The following CLVS1 variants were observed in gnomAD, a reference collection of about 807,000 sequenced individuals.
The protein encoded by CLVS1 is clavesin-1.
CLVS1 carries 10 observed loss-of-function variants against 33.1 expected under a neutral mutation model. The observed-to-expected ratio is 0.30, with a 90% confidence interval of 0.19 to 0.51. The LOEUF is 0.51. CLVS1 is among the 20% of genes least tolerant of loss of function. CLVS1 has a pLI of 0.97. For synonymous variants in CLVS1, 163 were observed against 166.1 expected, an observed-to-expected ratio of 0.98 and a Z score of 0.14; for missense variants, 343 against 433.4, an observed-to-expected ratio of 0.79 and a Z score of 1.85.
chr8:61,404,087 A>T (rs1814882973), intron 3 of CLVS1, among the ~76,000 whole-genome samples: 1 of 152,182 alleles, frequency 6.6e-6, no homozygotes, highest in South Asian at 2.1e-4. Flanking sequence ...GAGGATTCTT[A>T]TGGAGCTGCT....
Position 61,436,498 on chromosome 8 carries a change from C to T in CLVS1, c.631-17643C>T, listed in dbSNP as rs1057428610. ...TCTCAGCCTGCATCTTATTCAGCCTCTCAGGAGCATTCAACACCATTGATC... is the reference window on the plus strand; with the variant it reads ...TCTCAGCCTGCATCTTATTCAGCCTTTCAGGAGCATTCAACACCATTGATC... On this transcript the variant is annotated intron_variant, in intron 3 of 5. Coordinates refer to ENST00000325897, the MANE Select transcript of CLVS1 (RefSeq NM_173519.3). 2.0e-5 allele frequency among the ~76,000 whole-genome samples: 3 copies of T among 152,188 alleles called. No homozygotes were observed. The South Asian group carries it at 6.2e-4, about 32-fold the overall frequency.
chr8:61,140,956 C>T (rs1806297561), intron 2 of CLVS1, among the ~76,000 whole-genome samples: 1 of 152,146 alleles, frequency 6.6e-6, no homozygotes, highest in East Asian at 1.9e-4. Flanking sequence ...GAGTCAGGCA[C>T]CTCTCTCCTT....
rs189641140 is a variant in CLVS1 at position 61,181,742 on chromosome 8, C to T, written c.-152+49882C>T. On this transcript the variant is annotated intron_variant, in intron 2 of 2. Coordinates refer to the CLVS1 transcript ENST00000522621. The stretch of plus-strand genomic sequence containing the variant: ...TGAGATGGAGTCTCGCTCTGTCTCC[C>T]AGGCTGGAGTGCAGTGGCGTGATCT... 4.5e-3 allele frequency among the ~76,000 whole-genome samples: 620 copies of T among 136,486 alleles called. 5 individuals are homozygous for T. Among genetic ancestry groups the T allele is most frequent in the African/African-American group, 0.015 (575 of 38,510 alleles). 89.5% of individuals were successfully genotyped at this position (136,486 alleles called of 152,430 possible). A position where few individuals can be genotyped will look rare whatever the true frequency, so the allele number is the denominator to read the frequency against.
At chr8:61,194,047 C>T (rs1464130005) in intron 2 of CLVS1, among the ~76,000 whole-genome samples, 2 of 83,858 alleles carry the variant, frequency 2.4e-5, no homozygotes, top group South Asian at 3.3e-4. Context: ...TAGATAAATA[C>T]TATATAAGAG....
At chr8:61,143,872 CATATT>C (rs1487991557) in intron 2 of CLVS1, among the ~76,000 whole-genome samples, 3 of 147,008 alleles carry the variant, frequency 2.0e-5, no homozygotes, top group African/African-American at 7.5e-5. Context: ...ATAATATTCT[CATATT>C]AAAATGAGAA....
chr8:61,401,009 C>T (rs1051802869), intron 3 of CLVS1, among the ~76,000 whole-genome samples: 1 of 151,740 alleles, frequency 6.6e-6, no homozygotes, highest in Non-Finnish European at 1.5e-5. Context: ...TGTTTTCTCT[C>T]TGCCAGTTTT....
intron 2 of CLVS1, among the ~76,000 whole-genome samples, chr8:61,158,907 A>T (rs1267158079): frequency 6.6e-6 from 1 of 152,198 alleles, no homozygotes; most frequent in African/African-American, 2.4e-5. Context: ...GCTCACTGCC[A>T]CCTCAACCTC....
rs142406095 is a variant in CLVS1 at position 61,399,540 on chromosome 8, T to C, written c.630+22761T>C. Among the ~76,000 whole-genome samples, 768 of 152,344 alleles carry C rather than the reference T, an allele frequency of 5.0e-3. 3 individuals are homozygous for C. The highest frequency in any genetic ancestry group is 0.017 in the African/African-American group (697 of 41,582). On this transcript the variant is annotated intron_variant, in intron 3 of 5. Coordinates refer to ENST00000325897, the MANE Select transcript of CLVS1 (RefSeq NM_173519.3). Reference sequence around the variant, plus strand: ...TTTTGCTGTGCAGAAGCTTTTTAATTAGATCCCATTTGTCAATTTTTGCTT... The same window carrying C: ...TTTTGCTGTGCAGAAGCTTTTTAATCAGATCCCATTTGTCAATTTTTGCTT...
intron 2 of CLVS1, among the ~76,000 whole-genome samples, chr8:61,162,022 A>G (rs985877604): frequency 6.6e-6 from 1 of 151,934 alleles, no homozygotes; most frequent in Admixed American, 6.6e-5. Flanking sequence ...GTTGATGAAG[A>G]TAATATGCAA....
chr8:61,113,622 G>A (rs1202546277), intron 1 of CLVS1, among the ~76,000 whole-genome samples: 1 of 152,162 alleles, frequency 6.6e-6, no homozygotes, highest in African/African-American at 2.4e-5. Flanking sequence ...TGGACCCAGG[G>A]AAGTTTTTCA....
At chr8:61,407,239 A>G (rs1388658235) in intron 3 of CLVS1, among the ~76,000 whole-genome samples, 1 of 152,240 alleles carries the variant, frequency 6.6e-6, no homozygotes, top group Non-Finnish European at 1.5e-5. Flanking sequence ...AACACACGGT[A>G]GATATTTATT....
chr8:61,130,507 C>T (rs1806074020), intron 1 of CLVS1, among the ~76,000 whole-genome samples: 1 of 152,052 alleles, frequency 6.6e-6, no homozygotes, highest in Non-Finnish European at 1.5e-5. Context: ...AGCTTTTAAG[C>T]CAGACAGATT....
chr8:61,197,694 A>G (rs1678745675), intron 2 of CLVS1, among the ~76,000 whole-genome samples: 1 of 152,056 alleles, frequency 6.6e-6, no homozygotes, highest in Admixed American at 6.6e-5. Flanking sequence ...TAATTTTTGT[A>G]TTTTTAGCAG....
chr8:61,081,415 A>G (rs1051481623), intron 1 of CLVS1, among the ~76,000 whole-genome samples: 12 of 152,172 alleles, frequency 7.9e-5, no homozygotes, highest in Non-Finnish European at 1.6e-4. Flanking sequence ...CCCTATCCTG[A>G]GCCGAAGCTT....
the CLVS1 span, among the ~76,000 whole-genome samples, chr8:60,999,273 G>A: frequency 1.3e-5 from 2 of 152,212 alleles, no homozygotes; most frequent in African/African-American, 4.8e-5. Context: ...AGAGAGCCAA[G>A]AGAAGAGGAA....
At chr8:61,182,898 T>G (rs1023180640) in intron 2 of CLVS1, among the ~76,000 whole-genome samples, 6 of 146,698 alleles carry the variant, frequency 4.1e-5, no homozygotes, top group Non-Finnish European at 1.5e-5. Context: ...GAACCAACCC[T>G]AATGCCCATC....
chr8:61,046,473 C>A, the CLVS1 span, among the ~76,000 whole-genome samples: 2 of 147,500 alleles, frequency 1.4e-5, no homozygotes, highest in South Asian at 4.4e-4. Flanking sequence ...GTGATGCAGG[C>A]TCTTTTTTGG....
intron 3 of CLVS1, among the ~76,000 whole-genome samples, chr8:61,394,816 T>C (rs143874797): frequency 3.0e-4 from 45 of 152,324 alleles, no homozygotes; most frequent in African/African-American, 1.1e-3. Context: ...GTACAAGTGT[T>C]TCCTTTTCTC....
chr8:60,975,845 C>T, the CLVS1 span, among the ~76,000 whole-genome samples: 2 of 151,998 alleles, frequency 1.3e-5, no homozygotes, highest in Non-Finnish European at 2.9e-5. Flanking sequence ...GTAAAGAACC[C>T]ATGTCCCAGC....
Sources: gnomAD v4.1 joint callset for allele counts (sites outside exome capture counted in the v4.1 genomes callset) on GRCh38, gnomAD v4.1.1 for gene constraint, MANE v1.5 for transcripts, NCBI Gene and HGNC (gene_info 2026-07-23, HGNC 2026-07-21) for gene names.